TNKS2: variants seen among roughly 807,000 people sequenced by gnomAD.
TNKS2 encodes tankyrase 2, also known as poly [ADP-ribose] polymerase tankyrase-2.
TNKS2 carries 72 observed loss-of-function variants against 137.6 expected under a neutral mutation model. That is an observed-to-expected ratio of 0.52 (90% CI 0.43 to 0.64). The LOEUF is 0.64. Among genes scored for constraint, TNKS2 ranks in the 30% least tolerant of loss-of-function variants. The probability of loss-of-function intolerance (pLI) is 0.00; values close to 1 mark genes in which losing one functional copy is unlikely to be tolerated. For missense variants in TNKS2, 1,049 were observed against 1,410.2 expected, an observed-to-expected ratio of 0.74 and a Z score of 4.10; for synonymous variants, 516 against 512.1, an observed-to-expected ratio of 1.01 and a Z score of -0.10.
intron 24 of TNKS2, among the ~76,000 whole-genome samples, chr10:91,858,647 TGTATC>T (rs1412024166): frequency 5.3e-5 from 8 of 152,128 alleles, no homozygotes; most frequent in Admixed American, 3.9e-4. Flanking sequence ...GATAGAATCT[TGTATC>T]GTAATTAATG....
At chr10:91,822,041 A>G (rs778760680) in intron 6 of TNKS2, among the ~76,000 whole-genome samples, 1 of 152,188 alleles carries the variant, frequency 6.6e-6, no homozygotes, top group East Asian at 1.9e-4. Context: ...GGGAGAAATA[A>G]CATAGACCCA....
intron 1 of TNKS2, chr10:91,807,358 C>T (rs1844356596): frequency 1.4e-5 from 22 of 1,614,180 alleles, no homozygotes; most frequent in Non-Finnish European, 1.5e-5. Context: ...TATTTGAGAA[C>T]CACACGTGCC....
In TNKS2 at chr10:91,819,495, G is replaced by T. The variant is rs145339417; in HGVS notation, c.571G>T (p.Glu191Ter). ...TTTGTATTCTAGGAGTGGCAATGAA[G>T]AAAAAATGATGGCTCTACTCACACC... ...LLESARSGNE[E>*]KMMALLTPLN... Residue 191 changes from glutamate (E) to a stop codon, truncating the protein, a stop_gained, in exon 5 of 27, where the codon GAA becomes TAA. Transcript: ENST00000371627. LOFTEE classifies it high-confidence loss of function. 1.3e-6 allele frequency: 2 copies of T among 1,584,050 alleles called. No individual in the cohort carries two copies. The highest frequency in any genetic ancestry group is 1.7e-6 in the Non-Finnish European group (2 of 1,170,604).
chr10:91,848,397 C>T lies in TNKS2; in HGVS notation c.2373C>T (p.Ser791=), dbSNP rs142783979. ...ACGTACCCTAGGCGGATGATGTCAG[C>T]GCTCTTCTGACAGCAGCCATGCCCC... ...PLDLVSADDV[S]ALLTAAMPPS... is the part of the protein sequence containing the mutation. The change falls in exon 19 of 27, where the codon AGC becomes AGT. Residue 791 remains serine, a synonymous_variant. Coordinates refer to ENST00000371627, the MANE Select transcript of TNKS2 (RefSeq NM_025235.4). 8.1e-6 allele frequency: 13 copies of T among 1,613,988 alleles called. No individual in the cohort carries two copies. The African/African-American group carries it at 9.3e-5, about 12-fold the overall frequency.
At chr10:91,815,997 G>C (rs1385562827) in intron 2 of TNKS2, among the ~76,000 whole-genome samples, 1 of 140,376 alleles carries the variant, frequency 7.1e-6, no homozygotes, top group African/African-American at 2.7e-5. Context: ...CGCCTAGGCT[G>C]GAGTGCAGTG....
Position 91,798,523 on chromosome 10 carries a change from G to A in TNKS2, c.-168G>A. The A allele has an allele frequency of 1.3e-6, 1 of 764,294 alleles. No individual in the cohort carries two copies. The highest frequency in any genetic ancestry group is 4.6e-4 in the Middle Eastern group (1 of 2,158). The allele number at this position is 764,294 out of a possible 1,614,324, so 47.3% of individuals were successfully genotyped here. A position where few individuals can be genotyped will look rare whatever the true frequency, so the allele number is the denominator to read the frequency against. On this transcript the variant is annotated 5_prime_UTR_variant, in exon 1 of 27. Transcript: ENST00000371627. ...GGGGGCAGGGAGCCCAGCGAGGGGC[G>A]CGCGTGGGCGCGGCCATGGGACTGC... is the stretch of plus-strand genomic sequence containing the variant.
At position 91,836,908 on chromosome 10, in the gene TNKS2, C is replaced by G. The variant is rs775817334; in HGVS notation, c.1448-11C>G. 3.7e-6 allele frequency: 6 copies of G among 1,609,144 alleles called. No homozygotes were observed. Among genetic ancestry groups the G allele is most frequent in the Middle Eastern group, 1.6e-4 (1 of 6,072 alleles). ...AGGTTAGTCACTCTTCTCTCTCTCT[C>G]TCTTTTTTAGAGGGTATCTCATTAG... On this transcript the variant is annotated splice_polypyrimidine_tract_variant and intron_variant, in intron 12 of 26. Transcript: ENST00000371627.
rs181500452 is a variant in TNKS2 at position 91,858,760 on chromosome 10, A to C, written c.3095-702A>C. On this transcript the variant is annotated intron_variant, in intron 24 of 26. Transcript: ENST00000371627. ...GCGGTGGCTCACGCCTGTAATCCCA[A>C]CACTTTGGGAGGCCAAGGTGAGTGG... Among the ~76,000 whole-genome samples the C allele has an allele frequency of 9.2e-5, 14 of 152,292 alleles. No homozygotes were observed. The East Asian group carries it at 2.5e-3, about 27-fold the overall frequency.
At chr10:91,856,863 C>G (rs889943749) in intron 23 of TNKS2, among the ~76,000 whole-genome samples, 1 of 152,050 alleles carries the variant, frequency 6.6e-6, no homozygotes, top group Non-Finnish European at 1.5e-5. Context: ...AGCTAAGAAA[C>G]AACACTAGTA....
At position 91,836,962 on chromosome 10, in the gene TNKS2, G is replaced by A. The variant is rs938103846; in HGVS notation, c.1491G>A (p.Leu497=). ...ATTCAGAGGCAGACAGACAATTGCTGGAAGCTGCAAAGGCTGGAGATGTCG... is the reference window on the plus strand; with the variant it reads ...ATTCAGAGGCAGACAGACAATTGCTAGAAGCTGCAAAGGCTGGAGATGTCG... ...LGNSEADRQL[L]EAAKAGDVET... Residue 497 remains leucine (L), a synonymous_variant, in exon 13 of 27, where the codon CTG becomes CTA. Transcript: ENST00000371627. 8 of 1,613,160 alleles carry A rather than the reference G, an allele frequency of 5.0e-6. No homozygotes were observed. In the African/African-American group the frequency reaches 9.3e-5, roughly 19 times the overall value.
At chr10:91,840,778 T>C (rs1842188294) in intron 14 of TNKS2, 72 bp downstream of exon 14, 2 of 1,412,814 alleles carry the variant, frequency 1.4e-6, no homozygotes, top group Admixed American at 2.3e-5. Flanking sequence ...CCTGGAAATA[T>C]AATATGTTTT....
chr10:91,862,952 T>C lies in TNKS2; in HGVS notation c.3454T>C (p.Leu1152=). The change falls in exon 27 of 27, where the codon TTA becomes CTA. Residue 1152 remains leucine, a synonymous_variant. Transcript: ENST00000371627. ...TCTCTTCCAGGCTTATCCTGAGTATTTAATTACTTACCAGATTATGAGGCC... is the reference window on the plus strand; with the variant it reads ...TCTCTTCCAGGCTTATCCTGAGTATCTAATTACTTACCAGATTATGAGGCC... ...YRGEQAYPEY[L]ITYQIMRPEG... The C allele has an allele frequency of 5.6e-6, 9 of 1,606,704 alleles. No homozygotes were observed. Among genetic ancestry groups the C allele is most frequent in the Non-Finnish European group, 7.7e-6 (9 of 1,175,504 alleles).
At chr10:91,824,734 A>C (rs2133621911) in intron 7 of TNKS2, among the ~76,000 whole-genome samples, 1 of 152,324 alleles carries the variant, frequency 6.6e-6, no homozygotes, top group East Asian at 1.9e-4. Flanking sequence ...AAGTTGATAG[A>C]ATCAAGGCTC....
intron 7 of TNKS2, among the ~76,000 whole-genome samples, chr10:91,826,214 C>T (rs943065618): frequency 6.6e-6 from 1 of 152,114 alleles, no homozygotes; most frequent in Non-Finnish European, 1.5e-5. Flanking sequence ...TAATTTTGTG[C>T]ACGAATTAAG....
chr10:91,840,188 A>G (rs1842166531), intron 13 of TNKS2, among the ~76,000 whole-genome samples: 1 of 152,152 alleles, frequency 6.6e-6, no homozygotes, highest in Non-Finnish European at 1.5e-5. Flanking sequence ...AAAAATATAA[A>G]AATTAGCCAG....
chr10:91,843,542 G>C (rs1346644695), intron 16 of TNKS2, among the ~76,000 whole-genome samples: 1 of 152,100 alleles, frequency 6.6e-6, no homozygotes, highest in Admixed American at 6.6e-5. Flanking sequence ...CGTGACATTT[G>C]TTTTAAGGTT....
chr10:91,809,232 A>C (rs1272298551), intron 1 of TNKS2, among the ~76,000 whole-genome samples: 1 of 152,178 alleles, frequency 6.6e-6, no homozygotes, highest in African/African-American at 2.4e-5. Context: ...TGTGAAAAAA[A>C]GTGGTAACCA....
rs905658019 is a variant in TNKS2 at position 91,865,433 on chromosome 10, A to G, written c.*2434A>G. Among the ~76,000 whole-genome samples the G allele has an allele frequency of 6.6e-6, 1 of 152,196 alleles. No homozygotes were observed. The highest frequency in any genetic ancestry group is 1.5e-5 in the Non-Finnish European group (1 of 68,032). ...TGCAGTTTGAAGTTTGAAATATTGA[A>G]TATTGTAGCTGTACTTGCTCATTAA... On this transcript the variant is annotated 3_prime_UTR_variant, in exon 27 of 27. Transcript: ENST00000371627.
intron 23 of TNKS2, among the ~76,000 whole-genome samples, chr10:91,856,463 C>G (rs1842706942): frequency 6.6e-6 from 1 of 152,150 alleles, no homozygotes. Context: ...AATATGTAAT[C>G]AGGCAAATAC....
Sources: gnomAD v4.1 joint callset for allele counts (sites outside exome capture counted in the v4.1 genomes callset) on GRCh38, gnomAD v4.1.1 for gene constraint, MANE v1.5 for transcripts, NCBI Gene and HGNC (gene_info 2026-07-23, HGNC 2026-07-21) for gene names.